The following PMFBP1 variants were observed in gnomAD, a reference collection of about 807,000 sequenced individuals.
PMFBP1 encodes the protein polyamine modulated factor 1 binding protein 1, also known as polyamine-modulated factor 1-binding protein 1.
PMFBP1 carries 131 observed loss-of-function variants against 137.8 expected under a neutral mutation model. The observed-to-expected ratio is 0.95, with a 90% CI of 0.82 to 1.10. The LOEUF is 1.10. Ranked by LOEUF, PMFBP1 falls within the 50% of genes least tolerant of loss-of-function variation. The pLI is 0.00. For synonymous variants in PMFBP1, 490 were observed against 450.4 expected (o/e 1.09, Z -1.11); for missense variants, 1,199 against 1,175.4 (o/e 1.02, Z -0.29).
chr16:72,197,840 C>G, the PMFBP1 span, among the ~76,000 whole-genome samples: 1 of 152,174 alleles, frequency 6.6e-6, no homozygotes, highest in Non-Finnish European at 1.5e-5. Context: ...AGGGCCACTT[C>G]TGTCACTCTG....
chr16:72,213,033 C>T, the PMFBP1 span, among the ~76,000 whole-genome samples: 265 of 152,328 alleles, frequency 1.7e-3, 5 homozygotes, highest in African/African-American at 5.9e-3. Context: ...TTTATCTTCA[C>T]AGTATCTTTA....
chr16:72,235,385 C>T, the PMFBP1 span, among the ~76,000 whole-genome samples: 1 of 151,926 alleles, frequency 6.6e-6, no homozygotes, highest in Non-Finnish European at 1.5e-5. Flanking sequence ...TATTTTCTAT[C>T]TTTATGCCAT....
At chr16:72,235,386 T>C in the PMFBP1 span, among the ~76,000 whole-genome samples, 11 of 152,144 alleles carry the variant, frequency 7.2e-5, no homozygotes, top group Non-Finnish European at 1.6e-4. Flanking sequence ...ATTTTCTATC[T>C]TTATGCCATT....
intron 3 of PMFBP1, among the ~76,000 whole-genome samples, chr16:72,163,243 G>A (rs570127418): frequency 6.6e-6 from 1 of 152,292 alleles, no homozygotes; most frequent in South Asian, 2.1e-4. Context: ...CACAAGTAAA[G>A]AATTCTTGGA....
chr16:72,185,012 T>A, the PMFBP1 span, among the ~76,000 whole-genome samples: 2,821 of 151,878 alleles, frequency 0.019, 37 homozygotes, highest in Non-Finnish European at 0.025. Context: ...CCTTTCTTCA[T>A]CTGTGTCCTG....
chr16:72,179,871 A>G (rs986495133), upstream of PMFBP1, among the ~76,000 whole-genome samples: 6 of 152,226 alleles, frequency 3.9e-5, no homozygotes, highest in Non-Finnish European at 1.5e-5. Flanking sequence ...AGGAAGAAGG[A>G]GCCTGGTTCT....
At chr16:72,169,894 G>T (rs2043197007) in intron 2 of PMFBP1, among the ~76,000 whole-genome samples, 2 of 152,126 alleles carry the variant, frequency 1.3e-5, no homozygotes, top group Admixed American at 1.3e-4. Flanking sequence ...TATCATGGAA[G>T]GCTAGATTAG....
At chr16:72,131,155 A>G (rs975343863) in intron 10 of PMFBP1, among the ~76,000 whole-genome samples, 2 of 152,168 alleles carry the variant, frequency 1.3e-5, no homozygotes, top group African/African-American at 4.8e-5. Context: ...AGAAGCTGAG[A>G]TGTAGAAAAA....
the PMFBP1 span, among the ~76,000 whole-genome samples, chr16:72,231,789 G>A: frequency 6.6e-6 from 1 of 151,994 alleles, no homozygotes; most frequent in Admixed American, 6.6e-5. Context: ...ATTTTTATAT[G>A]TGTTTTATTA....
chr16:72,141,547 G>C (rs1325480741), intron 5 of PMFBP1, among the ~76,000 whole-genome samples: 1 of 152,108 alleles, frequency 6.6e-6, no homozygotes, highest in Non-Finnish European at 1.5e-5. Flanking sequence ...TATAAATTAT[G>C]TTGGCTTTTT....
chr16:72,192,145 T>TA, the PMFBP1 span, among the ~76,000 whole-genome samples: 1 of 152,192 alleles, frequency 6.6e-6, no homozygotes, highest in Non-Finnish European at 1.5e-5. Context: ...AAAATACTTT[T>TA]ATCACATATG....
At chr16:72,221,596 A>G in the PMFBP1 span, among the ~76,000 whole-genome samples, 2 of 152,312 alleles carry the variant, frequency 1.3e-5, no homozygotes, top group African/African-American at 4.8e-5. Flanking sequence ...CAGGCAGATG[A>G]AGGGTGCTGG....
chr16:72,212,544 C>T, the PMFBP1 span, among the ~76,000 whole-genome samples: 75 of 150,822 alleles, frequency 5.0e-4, no homozygotes, highest in Non-Finnish European at 9.0e-4. Flanking sequence ...AAGCCTGAAA[C>T]GTTTACTCTC....
the PMFBP1 span, among the ~76,000 whole-genome samples, chr16:72,237,271 A>G: frequency 6.6e-6 from 1 of 152,144 alleles, no homozygotes; most frequent in Non-Finnish European, 1.5e-5. Flanking sequence ...CTCTCTGGGG[A>G]AAGCTTCCTA....
the PMFBP1 span, among the ~76,000 whole-genome samples, chr16:72,187,970 C>T: frequency 1.3e-5 from 2 of 152,216 alleles, no homozygotes. Context: ...ACATGAAATG[C>T]TTTAATACAA....
At chr16:72,198,257 G>A in the PMFBP1 span, among the ~76,000 whole-genome samples, 1 of 152,124 alleles carries the variant, frequency 6.6e-6, no homozygotes, top group South Asian at 2.1e-4. Context: ...ATCATAGAGT[G>A]AGGCCACTTA....
chr16:72,117,078 T>A (rs1213399778), downstream of PMFBP1, among the ~76,000 whole-genome samples: 1 of 150,998 alleles, frequency 6.6e-6, no homozygotes, highest in South Asian at 2.1e-4. Flanking sequence ...AGAGATTACA[T>A]TGAATCTGTA....
At chr16:72,236,374 C>T in the PMFBP1 span, among the ~76,000 whole-genome samples, 20 of 152,102 alleles carry the variant, frequency 1.3e-4, no homozygotes, top group Admixed American at 5.2e-4. Context: ...AGTTTCTGTT[C>T]GCTACATTTA....
the PMFBP1 span, among the ~76,000 whole-genome samples, chr16:72,228,498 G>A: frequency 2.2e-4 from 34 of 152,228 alleles, no homozygotes; most frequent in African/African-American, 6.3e-4. Flanking sequence ...CTCTTCTCCC[G>A]TTTCTAGGAT....
Sources: gnomAD v4.1 joint callset for allele counts (sites outside exome capture counted in the v4.1 genomes callset) on GRCh38, gnomAD v4.1.1 for gene constraint, MANE v1.5 for transcripts, NCBI Gene and HGNC (gene_info 2026-07-23, HGNC 2026-07-21) for gene names.